The following PPP1R9A variants were observed in gnomAD, a reference collection of about 807,000 sequenced individuals.
The protein encoded by PPP1R9A is protein phosphatase 1 regulatory subunit 9A.
A neutral mutation model predicts 141.9 loss-of-function variants in PPP1R9A; 59 were observed. That is an observed-to-expected ratio of 0.42 (90% CI 0.34 to 0.52). The LOEUF (loss-of-function observed/expected upper bound fraction) is 0.52. PPP1R9A is among the 20% of genes least tolerant of loss of function. The pLI, the probability that PPP1R9A is intolerant of heterozygous loss-of-function variation, is 0.10. For synonymous variants in PPP1R9A, 500 were observed against 569.7 expected (o/e 0.88, Z 1.74); for missense variants, 1,444 against 1,611.9 (o/e 0.90, Z 1.78).
intron 5 of PPP1R9A, among the ~76,000 whole-genome samples, chr7:95,191,932 A>G (rs781354653): frequency 1.3e-5 from 2 of 152,102 alleles, no homozygotes; most frequent in East Asian, 1.9e-4. Flanking sequence ...TGTATAAGAT[A>G]TGAATCATAG....
chr7:94,955,606 A>G (rs560913417), intron 2 of PPP1R9A, among the ~76,000 whole-genome samples: 1 of 152,258 alleles, frequency 6.6e-6, no homozygotes, highest in Admixed American at 6.5e-5. Context: ...TGAAACGGGT[A>G]TAGCTATTCT....
At position 95,026,684 on chromosome 7, in the gene PPP1R9A, G is replaced by A. The variant is rs553597653; in HGVS notation, c.1396-84575G>A. On this transcript the variant is annotated intron_variant, in intron 2 of 19. Coordinates refer to ENST00000433360, the MANE Select transcript of PPP1R9A (RefSeq NM_001166160.2). ...TAAATCTGCTGAAGCTGCACCCACA[G>A]TTGCCCCTTCCCTGAGGTGCTCTGT... is the stretch of plus-strand genomic sequence containing the variant. Among the ~76,000 whole-genome samples, 28 of 152,272 alleles carry A rather than the reference G, an allele frequency of 1.8e-4. 1 individual carries two copies. The highest frequency in any genetic ancestry group is 6.5e-4 in the Admixed American group (10 of 15,292).
At chr7:94,961,798 C>T (rs1157590898) in intron 2 of PPP1R9A, among the ~76,000 whole-genome samples, 8 of 151,816 alleles carry the variant, frequency 5.3e-5, no homozygotes, top group Non-Finnish European at 1.2e-4. Flanking sequence ...AAGCACAAAT[C>T]GTAGAACAGA....
intron 2 of PPP1R9A, among the ~76,000 whole-genome samples, chr7:95,025,309 C>T (rs1806663306): frequency 6.6e-6 from 1 of 152,112 alleles, no homozygotes; most frequent in Non-Finnish European, 1.5e-5. Flanking sequence ...TCGTGATCCA[C>T]CCTCCTCAGC....
At chr7:95,005,625 A>G (rs1385323450) in intron 2 of PPP1R9A, among the ~76,000 whole-genome samples, 1 of 152,152 alleles carries the variant, frequency 6.6e-6, no homozygotes, top group African/African-American at 2.4e-5. Context: ...CAAAAGTTCA[A>G]TTTTCAGCTC....
chr7:94,967,329 G>A (rs534300543), intron 2 of PPP1R9A, among the ~76,000 whole-genome samples: 1 of 151,824 alleles, frequency 6.6e-6, no homozygotes, highest in African/African-American at 2.4e-5. Flanking sequence ...TTTCTGCTCT[G>A]ATCTTAGGTA....
chr7:95,100,414 C>T (rs975955582), intron 2 of PPP1R9A, among the ~76,000 whole-genome samples: 9 of 152,090 alleles, frequency 5.9e-5, no homozygotes, highest in African/African-American at 2.4e-5. Context: ...ACAATTTACT[C>T]CAAATAATAT....
At chr7:95,183,610 A>G (rs1158082906) in intron 5 of PPP1R9A, among the ~76,000 whole-genome samples, 1 of 150,432 alleles carries the variant, frequency 6.6e-6, no homozygotes, top group East Asian at 2.0e-4. Context: ...ACCACCACAC[A>G]TGGCTTTTTT....
chr7:94,957,437 A>T (rs1797186114), intron 2 of PPP1R9A, among the ~76,000 whole-genome samples: 1 of 152,090 alleles, frequency 6.6e-6, no homozygotes, highest in South Asian at 2.1e-4. Flanking sequence ...GCTAGATAGA[A>T]TGGGAGAAAA....
At chr7:94,996,449 ACTC>A (rs1233554544) in intron 2 of PPP1R9A, among the ~76,000 whole-genome samples, 1 of 152,048 alleles carries the variant, frequency 6.6e-6, no homozygotes, top group African/African-American at 2.4e-5. Context: ...TTTTTAAAGA[ACTC>A]CTACAGATGA....
intron 8 of PPP1R9A, 40 bp downstream of exon 8, chr7:95,226,156 C>A: frequency 6.4e-7 from 1 of 1,563,820 alleles, no homozygotes; most frequent in East Asian, 2.3e-5. Flanking sequence ...TATGCCTGTC[C>A]ATTTCATTAA....
At chr7:94,923,647 T>G (rs997777856) in intron 2 of PPP1R9A, among the ~76,000 whole-genome samples, 2 of 152,214 alleles carry the variant, frequency 1.3e-5, no homozygotes, top group Admixed American at 6.5e-5. Context: ...ATTCATTTGA[T>G]GTATGGTTAG....
intron 2 of PPP1R9A, among the ~76,000 whole-genome samples, chr7:95,045,958 C>T (rs1809948020): frequency 6.6e-6 from 1 of 152,024 alleles, no homozygotes; most frequent in Non-Finnish European, 1.5e-5. Context: ...AAACACATAC[C>T]AGGCTACTAA....
intron 12 of PPP1R9A, among the ~76,000 whole-genome samples, chr7:95,265,024 T>C (rs1006069690): frequency 2.0e-5 from 3 of 152,154 alleles, no homozygotes; most frequent in African/African-American, 7.2e-5. Flanking sequence ...ACTGAGCCAG[T>C]TGGATTTCCC....
chr7:95,100,186 G>A (rs924394464), intron 2 of PPP1R9A, among the ~76,000 whole-genome samples: 6 of 152,048 alleles, frequency 3.9e-5, no homozygotes, highest in East Asian at 1.9e-4. Context: ...TTCGGAGGCC[G>A]AGGTGGGAGG....
intron 5 of PPP1R9A, among the ~76,000 whole-genome samples, chr7:95,197,999 T>C (rs943274244): frequency 2.0e-5 from 3 of 152,234 alleles, no homozygotes; most frequent in African/African-American, 7.2e-5. Flanking sequence ...AATGCTTCTT[T>C]AGTTCAATGG....
At chr7:95,152,361 T>G (rs1828854273) in intron 4 of PPP1R9A, among the ~76,000 whole-genome samples, 1 of 152,204 alleles carries the variant, frequency 6.6e-6, no homozygotes, top group East Asian at 1.9e-4. Flanking sequence ...ATGTTTACAT[T>G]AAGTTAATAT....
chr7:95,044,340 C>T (rs570986244), intron 2 of PPP1R9A, among the ~76,000 whole-genome samples: 1 of 152,218 alleles, frequency 6.6e-6, no homozygotes, highest in East Asian at 1.9e-4. Context: ...TGTGTTTCCT[C>T]TGCTTTATGT....
chr7:94,953,564 C>G (rs1796720708), intron 2 of PPP1R9A, among the ~76,000 whole-genome samples: 1 of 152,156 alleles, frequency 6.6e-6, no homozygotes. Flanking sequence ...TGGCCATTTT[C>G]ATGATATTGA....
Sources: gnomAD v4.1 joint callset for allele counts (sites outside exome capture counted in the v4.1 genomes callset) on GRCh38, gnomAD v4.1.1 for gene constraint, MANE v1.5 for transcripts, NCBI Gene and HGNC (gene_info 2026-07-23, HGNC 2026-07-21) for gene names.